AFMID: variants seen among roughly 807,000 people sequenced by gnomAD.
AFMID encodes the protein kynurenine formamidase.
AFMID carries 39 observed loss-of-function variants against 47.5 expected under a neutral mutation model. The ratio of observed to expected loss-of-function variants is 0.82; its 90% CI spans 0.64 to 1.07. The LOEUF (loss-of-function observed/expected upper bound fraction) is 1.07. Among genes scored for constraint, AFMID ranks in the 50% least tolerant of loss-of-function variants. The pLI is 0.00. For missense variants in AFMID, 375 were observed against 387.5 expected (o/e 0.97, Z 0.27); for synonymous variants, 130 against 153.2 (o/e 0.85, Z 1.12).
chr17:78,193,143 G>A (rs1415116243), intron 2 of AFMID, among the ~76,000 whole-genome samples: 7 of 151,794 alleles, frequency 4.6e-5, no homozygotes, highest in Admixed American at 6.6e-5. Context: ...AGGCCGAGGC[G>A]GGCGGATCAT....
chr17:78,206,908 CAGATTATCTTGAA>C lies in AFMID; in HGVS notation c.886-1_897del, dbSNP rs1266811064. On this transcript the variant is annotated splice_acceptor_variant and coding_sequence_variant, in exon 11 of 11. Transcript: ENST00000409257. LOFTEE classifies it high-confidence loss of function. ...GCTTTTGTGTCTTCTCTTCCTGTTC[CAGATTATCTTGAA>C]AACAATCTTCCAGTAGTTCTGACGA... 1.9e-6 allele frequency: 3 copies of C among 1,613,852 alleles called. No individual in the cohort carries two copies. The highest frequency in any genetic ancestry group is 2.5e-6 in the Non-Finnish European group (3 of 1,179,974).
At chr17:78,193,202 T>G (rs146106198) in intron 2 of AFMID, among the ~76,000 whole-genome samples, 2,373 of 151,490 alleles carry the variant, frequency 0.016, 63 homozygotes, top group African/African-American at 0.053. Context: ...AAACCCCATC[T>G]CTACTAAAAA....
At chr17:78,188,747 C>T (rs1021802892) in intron 1 of AFMID, among the ~76,000 whole-genome samples, 6 of 152,198 alleles carry the variant, frequency 3.9e-5, no homozygotes, top group Non-Finnish European at 7.3e-5. Flanking sequence ...CATGCGCCCG[C>T]AACCATGCCC....
rs530755988 is a variant in AFMID, at chr17:78,196,293, A to T, written c.154+5233A>T. Among the ~76,000 whole-genome samples the T allele has an allele frequency of 2.0e-5, 3 of 152,334 alleles. No homozygotes were observed. In the East Asian group the frequency reaches 5.8e-4, roughly 29 times the overall value. On this transcript the variant is annotated intron_variant, in intron 2 of 10. Coordinates refer to ENST00000409257, the MANE Select transcript of AFMID (RefSeq NM_001010982.5). The stretch of plus-strand genomic sequence containing the variant: ...GGCAAGAGAATTGCTTGAACTCAGG[A>T]GGCAGAGGTTGCAATGAGCAAAGAT...
intron 2 of AFMID, among the ~76,000 whole-genome samples, chr17:78,201,692 T>C (rs984444421): frequency 2.6e-5 from 4 of 152,094 alleles, no homozygotes; most frequent in African/African-American, 9.7e-5. Flanking sequence ...AAAAGGGTCC[T>C]CGCAGAACCA....
At chr17:78,206,643 C>G (rs894986160) in intron 10 of AFMID, among the ~76,000 whole-genome samples, 1 of 142,296 alleles carries the variant, frequency 7.0e-6, no homozygotes, top group Non-Finnish European at 1.5e-5. Flanking sequence ...CTTCCTTCTT[C>G]TTCTTCCTCC....
chr17:78,204,989 C>A (rs751783636), intron 6 of AFMID, 89 bp downstream of exon 6: 8 of 1,583,434 alleles, frequency 5.1e-6, no homozygotes, highest in South Asian at 1.1e-5. Flanking sequence ...CCAAGCTGCC[C>A]CTCTGGCCTG....
At chr17:78,187,808 C>G (rs946064034) in intron 1 of AFMID, among the ~76,000 whole-genome samples, 1 of 151,656 alleles carries the variant, frequency 6.6e-6, no homozygotes, top group African/African-American at 2.4e-5. Context: ...AAAAATTAGC[C>G]GGGCGTGGTG....
At position 78,207,064 on chromosome 17, in the gene AFMID, C is replaced by G. The variant is rs150532674; in HGVS notation, c.*127C>G. ...CCCAGGAGAGCCTTGCTGTGTCTGTCTGCCCGGCAAGAGTCCATTCTCACT... is the reference window on the plus strand; with the variant it reads ...CCCAGGAGAGCCTTGCTGTGTCTGTGTGCCCGGCAAGAGTCCATTCTCACT... On this transcript the variant is annotated 3_prime_UTR_variant, in exon 11 of 11. Transcript: ENST00000409257. 2.9e-6 allele frequency: 3 copies of G among 1,027,366 alleles called. No homozygotes were observed. The highest frequency in any genetic ancestry group is 4.6e-6 in the Non-Finnish European group (3 of 658,232). The allele number at this position is 1,027,366 out of a possible 1,614,324, so 63.6% of individuals were successfully genotyped here. A position where few individuals can be genotyped will look rare whatever the true frequency, so the allele number is the denominator to read the frequency against.
chr17:78,189,219 C>CTTTTTTTTT (rs770863206), intron 1 of AFMID, among the ~76,000 whole-genome samples: 2 of 122,722 alleles, frequency 1.6e-5, no homozygotes, highest in African/African-American at 3.2e-5. Context: ...TTCCTTGTTA[C>CTTTTTTTTT]TTTTTTTTTT....
chr17:78,194,051 G>GAA (rs1227323650), intron 2 of AFMID, among the ~76,000 whole-genome samples: 1 of 151,348 alleles, frequency 6.6e-6, no homozygotes, highest in Non-Finnish European at 1.5e-5. Flanking sequence ...TTGAGAGGCT[G>GAA]AAGTGGGAGG....
chr17:78,193,293 C>T (rs2076020969), intron 2 of AFMID, among the ~76,000 whole-genome samples: 3 of 147,032 alleles, frequency 2.0e-5, no homozygotes, highest in Admixed American at 7.1e-5. Context: ...ATGGTGTGAA[C>T]CTGGGAGGTG....
At position 78,207,299 on chromosome 17, in the gene AFMID, T is replaced by TTTTTTTTTC; in HGVS notation, c.*364_*365insTTTTTTCTT. The TTTTTTTTTC allele has an allele frequency of 3.3e-5, 8 of 244,840 alleles. No individual in the cohort carries two copies. Among genetic ancestry groups the TTTTTTTTTC allele is most frequent in the African/African-American group, 2.0e-4 (8 of 39,684 alleles). The allele number at this position is 244,840 out of a possible 1,614,324, so 15.2% of individuals were successfully genotyped here. A position where few individuals can be genotyped will look rare whatever the true frequency, so the allele number is the denominator to read the frequency against. On this transcript the variant is annotated 3_prime_UTR_variant, in exon 11 of 11. Coordinates refer to ENST00000409257, the MANE Select transcript of AFMID (RefSeq NM_001010982.5). ...TTTTTTTTTTTTTTTTTTTTTTTTT[T>TTTTTTTTTC]TTGAGATGGAGTCTTACTCTGTCAC...
At chr17:78,206,625 G>A (rs146349290) in intron 10 of AFMID, among the ~76,000 whole-genome samples, 43 of 118,722 alleles carry the variant, frequency 3.6e-4, no homozygotes, top group African/African-American at 1.5e-3. Context: ...CAGGCTGGTC[G>A]TCGTCGTCTT....
Position 78,205,615 on chromosome 17 carries a change from G to T in AFMID, c.657G>T (p.Gln219His). The T allele has an allele frequency of 6.2e-7, 1 of 1,613,768 alleles. No individual in the cohort carries two copies. The highest frequency in any genetic ancestry group is 1.1e-5 in the South Asian group (1 of 91,086). ...CTCCCCACCCCAGGGAGGACGCTCA[G>T]AGGAATAGCCCCCAGCTGAAGGTGG... ...VALQLTLEDAQRNSPQLKVAQ... is the reference protein window; with the variant it reads ...VALQLTLEDAHRNSPQLKVAQ... The change falls in exon 9 of 11, where the codon CAG (glutamine) becomes CAT (histidine). Residue 219 changes from glutamine (Q) to histidine (H), a missense_variant. Transcript: ENST00000409257.
At position 78,206,692 on chromosome 17, in the gene AFMID, C is replaced by T. The variant is rs575532356; in HGVS notation, c.886-219C>T. On this transcript the variant is annotated intron_variant, in intron 10 of 10. Transcript: ENST00000409257. Reference sequence around the variant, plus strand: ...TTCTTTCTTCTCCTCCTCCCCCTACCCCCCCTTCTTCTTCTTCTTCCTTCA... The same window carrying T: ...TTCTTTCTTCTCCTCCTCCCCCTACTCCCCCTTCTTCTTCTTCTTCCTTCA... Among the ~76,000 whole-genome samples the T allele has an allele frequency of 5.3e-5, 8 of 151,426 alleles. No individual in the cohort carries two copies. In the South Asian group the frequency reaches 1.7e-3, roughly 32 times the overall value.
At chr17:78,205,787 C>A in intron 9 of AFMID, 49 bp downstream of exon 9, 1 of 1,602,304 alleles carries the variant, frequency 6.2e-7, no homozygotes, top group Non-Finnish European at 8.5e-7. Flanking sequence ...CATGTGGGCT[C>A]ATTATTTTCC....
chr17:78,189,515 G>A (rs1238740552), intron 1 of AFMID, among the ~76,000 whole-genome samples: 2 of 142,132 alleles, frequency 1.4e-5, no homozygotes, highest in East Asian at 4.2e-4. Context: ...GAGCCACCAC[G>A]CCCAGTGTTT....
intron 2 of AFMID, among the ~76,000 whole-genome samples, chr17:78,200,215 G>A (rs1327620297): frequency 6.6e-6 from 1 of 152,148 alleles, no homozygotes; most frequent in African/African-American, 2.4e-5. Context: ...GAGTGCAGTG[G>A]TGTGATCTCA....
Sources: allele counts gnomAD v4.1 joint callset (sites outside exome capture counted in the v4.1 genomes callset), GRCh38; gene constraint gnomAD v4.1.1; transcripts MANE v1.5; gene names NCBI Gene and HGNC (gene_info 2026-07-23, HGNC 2026-07-21).